Variants in BMP5 observed in about 807,000 individuals in gnomAD.
BMP5 encodes the protein bone morphogenetic protein 5.
In BMP5, 23 loss-of-function variants were observed where a neutral mutation model predicts 46.6. The observed-to-expected ratio is 0.49, with a 90% CI of 0.35 to 0.70. The LOEUF (loss-of-function observed/expected upper bound fraction) is 0.70. Among genes scored for constraint, BMP5 ranks in the 30% least tolerant of loss-of-function variants. BMP5 has a pLI of 0.00. For missense variants in BMP5, 545 were observed against 565.6 expected (o/e 0.96, Z 0.37); for synonymous variants, 204 against 191.9 (o/e 1.06, Z -0.52).
rs376042134 is a variant in BMP5, at chr6:55,764,881, G to A, written c.1028-4348C>T. 1.2e-4 allele frequency among the ~76,000 whole-genome samples: 19 copies of A among 152,194 alleles called. No homozygotes were observed. The East Asian group carries it at 3.3e-3, about 26-fold the overall frequency. ...ACAGAAGAAATCAGTTGTAGTGTTC[G>A]ATAATAGCACAGTATGGTTACAATG... On this transcript the variant is annotated intron_variant, in intron 4 of 6. Transcript: ENST00000370830.
At chr6:55,803,003 G>C (rs779111716) in intron 2 of BMP5, among the ~76,000 whole-genome samples, 11 of 151,896 alleles carry the variant, frequency 7.2e-5, no homozygotes, top group Non-Finnish European at 2.9e-5. Flanking sequence ...AGTTATGAAT[G>C]GTGCCGGGTG....
intron 2 of BMP5, among the ~76,000 whole-genome samples, chr6:55,803,211 G>A (rs1217865300): frequency 6.6e-6 from 1 of 151,926 alleles, no homozygotes; most frequent in East Asian, 1.9e-4. Context: ...CAGGAGAATC[G>A]CTTAAACCCA....
chr6:55,755,530 A>T lies in BMP5; in HGVS notation c.*3T>A. On this transcript the variant is annotated 3_prime_UTR_variant, in exon 7 of 7. Transcript: ENST00000370830. The stretch of plus-strand genomic sequence containing the variant: ...TTTTTGTTATTATCAATATTATTTA[A>T]TATTAGTGGCAGCCACATGAGCGTA... The T allele has an allele frequency of 6.2e-7, 1 of 1,606,654 alleles. No individual in the cohort carries two copies. The highest frequency in any genetic ancestry group is 8.5e-7 in the Non-Finnish European group (1 of 1,174,154).
At chr6:55,778,126 A>T (rs1237879440) in intron 3 of BMP5, among the ~76,000 whole-genome samples, 1 of 152,096 alleles carries the variant, frequency 6.6e-6, no homozygotes, top group African/African-American at 2.4e-5. Flanking sequence ...GCAAAGCAAG[A>T]GACAATGCCA....
chr6:55,770,225 A>G (rs562733142), intron 4 of BMP5, among the ~76,000 whole-genome samples: 3 of 152,088 alleles, frequency 2.0e-5, no homozygotes, highest in Admixed American at 2.0e-4. Context: ...TCTGTGGTTC[A>G]GTGTAGCTAC....
chr6:55,798,460 A>G (rs1194517677), intron 2 of BMP5, among the ~76,000 whole-genome samples: 6 of 152,316 alleles, frequency 3.9e-5, no homozygotes, highest in Non-Finnish European at 7.4e-5. Context: ...GTAAATTTAT[A>G]TTAATAGAAA....
intron 1 of BMP5, among the ~76,000 whole-genome samples, chr6:55,832,713 G>A (rs1776695062): frequency 6.6e-6 from 1 of 152,130 alleles, no homozygotes; most frequent in South Asian, 2.1e-4. Context: ...GTGCCAGGAG[G>A]TTACTGAATT....
intron 1 of BMP5, among the ~76,000 whole-genome samples, chr6:55,844,375 A>C (rs777526509): frequency 2.0e-5 from 3 of 152,040 alleles, no homozygotes; most frequent in Non-Finnish European, 4.4e-5. Context: ...AAGCTTTTTA[A>C]ATTAAAACCA....
At chr6:55,803,579 C>T (rs1412070183) in intron 2 of BMP5, among the ~76,000 whole-genome samples, 2 of 152,238 alleles carry the variant, frequency 1.3e-5, no homozygotes, top group East Asian at 1.9e-4. Context: ...TTCTGCTGCT[C>T]GCATACATTG....
At chr6:55,777,598 C>T (rs1775206809) in intron 3 of BMP5, among the ~76,000 whole-genome samples, 1 of 151,866 alleles carries the variant, frequency 6.6e-6, no homozygotes, top group Admixed American at 6.6e-5. Flanking sequence ...AGCTTAGTCA[C>T]CTTAGGATTC....
At chr6:55,829,283 G>T in intron 1 of BMP5, among the ~76,000 whole-genome samples, 1 of 151,510 alleles carries the variant, frequency 6.6e-6, no homozygotes, top group Non-Finnish European at 1.5e-5. Context: ...TCAATCCCTA[G>T]CACACAGCAG....
At chr6:55,831,503 A>C (rs1193923641) in intron 1 of BMP5, among the ~76,000 whole-genome samples, 3 of 152,134 alleles carry the variant, frequency 2.0e-5, no homozygotes, top group African/African-American at 7.2e-5. Flanking sequence ...ATCCTATAAA[A>C]TAGAAATAGA....
At chr6:55,770,358 C>A (rs1775020600) in intron 4 of BMP5, among the ~76,000 whole-genome samples, 1 of 151,856 alleles carries the variant, frequency 6.6e-6, no homozygotes, top group African/African-American at 2.4e-5. Flanking sequence ...CGTCATGAAC[C>A]AATATCTGCT....
At chr6:55,836,996 T>G (rs1776810589) in intron 1 of BMP5, among the ~76,000 whole-genome samples, 1 of 152,068 alleles carries the variant, frequency 6.6e-6, no homozygotes, top group Non-Finnish European at 1.5e-5. Context: ...TTTTTGGTAT[T>G]GAAAGTATGG....
intron 4 of BMP5, among the ~76,000 whole-genome samples, chr6:55,763,730 T>A (rs1774840214): frequency 6.6e-6 from 1 of 152,142 alleles, no homozygotes; most frequent in Non-Finnish European, 1.5e-5. Flanking sequence ...CAACATGTCT[T>A]ATCCATAGTG....
chr6:55,819,553 C>A (rs1776358433), intron 2 of BMP5, 102 bp downstream of exon 2: 3 of 997,408 alleles, frequency 3.0e-6, no homozygotes, highest in Admixed American at 2.1e-5. Flanking sequence ...ACATTGCCCC[C>A]AAAAAAATAA....
chr6:55,843,550 C>T (rs1777018568), intron 1 of BMP5, among the ~76,000 whole-genome samples: 2 of 151,734 alleles, frequency 1.3e-5, no homozygotes. Flanking sequence ...CTGCCTTTAT[C>T]GCTAAAGAAC....
At chr6:55,773,945 C>T in intron 4 of BMP5, 104 bp downstream of exon 4, 3 of 1,224,522 alleles carry the variant, frequency 2.4e-6, no homozygotes, top group Non-Finnish European at 3.6e-6. Context: ...TTTAATGTAC[C>T]ATCCGAAGGT....
intron 1 of BMP5, among the ~76,000 whole-genome samples, chr6:55,868,029 A>G (rs1777692173): frequency 6.6e-6 from 1 of 152,190 alleles, no homozygotes; most frequent in Admixed American, 6.6e-5. Flanking sequence ...GATTCTGGAG[A>G]TGGCTGTGTC....
Sources: gnomAD v4.1 joint callset for allele counts (sites outside exome capture counted in the v4.1 genomes callset) on GRCh38, gnomAD v4.1.1 for gene constraint, MANE v1.5 for transcripts, NCBI Gene and HGNC (gene_info 2026-07-23, HGNC 2026-07-21) for gene names.